CD226: variants seen among roughly 807,000 people sequenced by gnomAD.
CD226 encodes the protein CD226 antigen.
Under a neutral mutation model 34.9 loss-of-function variants are expected in CD226, and 24 were observed. The observed-to-expected ratio is 0.69, with a 90% CI of 0.50 to 0.97. The LOEUF (loss-of-function observed/expected upper bound fraction) is 0.97, where lower values mean the gene tolerates loss of function less well. Ranked by LOEUF, CD226 falls within the 50% of genes least tolerant of loss-of-function variation. The pLI is 0.00. For synonymous variants in CD226, 148 were observed against 147.4 expected (o/e 1.00, Z -0.03); for missense variants, 397 against 412.7 (o/e 0.96, Z 0.33).
At chr18:69,884,231 C>T (rs1984430369) in intron 3 of CD226, among the ~76,000 whole-genome samples, 2 of 152,258 alleles carry the variant, frequency 1.3e-5, no homozygotes, top group Admixed American at 1.3e-4. Flanking sequence ...CACATGGAGC[C>T]TTGTGGAATA....
chr18:69,949,601 A>G (rs2055830230), upstream of CD226, among the ~76,000 whole-genome samples: 1 of 151,482 alleles, frequency 6.6e-6, no homozygotes, highest in Non-Finnish European at 1.5e-5. Flanking sequence ...ACACACACGG[A>G]TACATGCACA....
At chr18:69,931,149 G>A (rs1036974167) in intron 2 of CD226, among the ~76,000 whole-genome samples, 10 of 151,926 alleles carry the variant, frequency 6.6e-5, no homozygotes, top group Admixed American at 1.3e-4. Context: ...ACCAAACACC[G>A]CATGTTCTCA....
At chr18:69,899,706 G>C (rs903980653) in intron 2 of CD226, among the ~76,000 whole-genome samples, 2 of 151,874 alleles carry the variant, frequency 1.3e-5, no homozygotes, top group Non-Finnish European at 2.9e-5. Context: ...ATTACAGAAA[G>C]GCAAACCAAA....
chr18:69,878,212 T>G (rs1363895871), intron 3 of CD226, among the ~76,000 whole-genome samples: 5 of 152,248 alleles, frequency 3.3e-5, no homozygotes, highest in Non-Finnish European at 7.3e-5. Context: ...GCCATTTTTT[T>G]GCTAACTTTT....
chr18:69,931,029 T>C (rs2055582677), intron 2 of CD226, among the ~76,000 whole-genome samples: 2 of 152,154 alleles, frequency 1.3e-5, no homozygotes, highest in African/African-American at 2.4e-5. Flanking sequence ...GTGGCACATA[T>C]ACACCATGGA....
rs369683887 is a variant in CD226 at position 69,877,911 on chromosome 18, C to T, written c.728-4665G>A. The stretch of plus-strand genomic sequence containing the variant: ...CCAGAGACATTTCAATCTAGAGTGG[C>T]CCAGCCTGTAGCTGACATGGCTTCT... On this transcript the variant is annotated intron_variant, in intron 3 of 5. Coordinates refer to ENST00000582621, the MANE Select transcript of CD226 (RefSeq NM_001303618.2). 4.6e-5 allele frequency among the ~76,000 whole-genome samples: 7 copies of T among 152,292 alleles called. No individual in the cohort carries two copies. The East Asian group carries it at 7.7e-4, about 17-fold the overall frequency.
At position 69,904,608 on chromosome 18, in the gene CD226, T is replaced by A. The variant is rs146264403; in HGVS notation, c.383-8563A>T. On this transcript the variant is annotated intron_variant, in intron 2 of 5. Transcript: ENST00000582621. ...TACAATGAGAATGATGTTTTTATTA[T>A]AGTCAGTATCATAAGATTTGCTGAA... Among the ~76,000 whole-genome samples, 501 of 152,372 alleles carry A rather than the reference T, an allele frequency of 3.3e-3. 1 individual carries two copies. Among genetic ancestry groups the A allele is most frequent in the African/African-American group, 0.011 (470 of 41,586 alleles).
intron 2 of CD226, among the ~76,000 whole-genome samples, chr18:69,931,106 C>A (rs1268760595): frequency 6.6e-6 from 1 of 152,034 alleles, no homozygotes; most frequent in Non-Finnish European, 1.5e-5. Context: ...AACTGGAAAC[C>A]ATCATTCTCA....
At chr18:69,911,720 A>T (rs939402545) in intron 2 of CD226, among the ~76,000 whole-genome samples, 2 of 152,170 alleles carry the variant, frequency 1.3e-5, no homozygotes, top group African/African-American at 4.8e-5. Context: ...TTACTTTTTC[A>T]TGTATTTTCT....
intron 2 of CD226, among the ~76,000 whole-genome samples, chr18:69,943,054 A>T (rs2055745585): frequency 6.6e-6 from 1 of 152,158 alleles, no homozygotes; most frequent in Non-Finnish European, 1.5e-5. Flanking sequence ...TGGTGCTGCC[A>T]CTTGGCAGCT....
chr18:69,878,744 C>T (rs551683343), intron 3 of CD226, among the ~76,000 whole-genome samples: 5 of 152,264 alleles, frequency 3.3e-5, no homozygotes, highest in African/African-American at 1.2e-4. Flanking sequence ...GTTTTCGCCG[C>T]CATCATGGTG....
chr18:69,876,714 G>A (rs138676225), intron 3 of CD226, among the ~76,000 whole-genome samples: 239 of 152,172 alleles, frequency 1.6e-3, no homozygotes, highest in African/African-American at 5.3e-3. Flanking sequence ...CTGAGTGTCC[G>A]CCAATTCAAT....
intron 4 of CD226, among the ~76,000 whole-genome samples, chr18:69,871,550 T>A (rs1475061609): frequency 6.6e-6 from 1 of 152,160 alleles, no homozygotes; most frequent in South Asian, 2.1e-4. Flanking sequence ...ACGTACACAA[T>A]GATTCCAGAT....
At chr18:69,866,609 T>C (rs139756926) in intron 5 of CD226, among the ~76,000 whole-genome samples, 43 of 152,340 alleles carry the variant, frequency 2.8e-4, no homozygotes, top group African/African-American at 1.0e-3. Context: ...GGTTCTTTTA[T>C]GCAATTTAAC....
At chr18:69,902,881 C>T (rs1027749513) in intron 2 of CD226, among the ~76,000 whole-genome samples, 2 of 152,080 alleles carry the variant, frequency 1.3e-5, no homozygotes, top group Non-Finnish European at 2.9e-5. Context: ...CACGTATTCC[C>T]AACTGTGCCT....
At chr18:69,895,188 T>G (rs1392613891) in intron 3 of CD226, among the ~76,000 whole-genome samples, 1 of 152,098 alleles carries the variant, frequency 6.6e-6, no homozygotes, top group Non-Finnish European at 1.5e-5. Context: ...TGCATCCACA[T>G]CTGAAAAAGA....
rs907031259 is a variant in CD226, at chr18:69,856,371, TC to T, written c.*7942del. On this transcript the variant is annotated 3_prime_UTR_variant, in exon 6 of 6. Coordinates refer to ENST00000582621, the MANE Select transcript of CD226 (RefSeq NM_001303618.2). ...ACTTGCAGTCTTTAACGAGACTTGA[TC>T]ACTTGATCTGTCAGTATGTGATAGA... is the stretch of plus-strand genomic sequence containing the variant. The T allele has an allele frequency of 1.3e-5, 2 of 152,210 alleles. No individual in the cohort carries two copies. The highest frequency in any genetic ancestry group is 4.8e-5 in the African/African-American group (2 of 41,460). 9.4% of individuals were successfully genotyped at this position (152,210 alleles called of 1,614,324 possible).
At chr18:69,950,234 AT>A (rs2145376523), upstream of CD226, among the ~76,000 whole-genome samples, 1 of 151,946 alleles carries the variant, frequency 6.6e-6, no homozygotes, top group East Asian at 1.9e-4. Flanking sequence ...GCTCACACAC[AT>A]TTGCACACAC....
At chr18:69,959,007 A>C (rs1296597478), upstream of CD226, among the ~76,000 whole-genome samples, 1 of 152,158 alleles carries the variant, frequency 6.6e-6, no homozygotes, top group African/African-American at 2.4e-5. Flanking sequence ...TATGGTAATA[A>C]ATACAAAGAA....
Sources: gnomAD v4.1 joint callset for allele counts (sites outside exome capture counted in the v4.1 genomes callset) on GRCh38, gnomAD v4.1.1 for gene constraint, MANE v1.5 for transcripts, NCBI Gene and HGNC (gene_info 2026-07-23, HGNC 2026-07-21) for gene names.